The following CNTNAP2 variants were observed in gnomAD, a reference collection of about 807,000 sequenced individuals.
The protein encoded by CNTNAP2 is contactin-associated protein-like 2.
CNTNAP2 carries 98 observed loss-of-function variants against 155.2 expected under a neutral mutation model. The ratio of observed to expected loss-of-function variants is 0.63; its 90% CI spans 0.54 to 0.75. The LOEUF (loss-of-function observed/expected upper bound fraction) is 0.75. Among genes scored for constraint, CNTNAP2 ranks in the 30% least tolerant of loss-of-function variants. The pLI is 0.00. For synonymous variants in CNTNAP2, 651 were observed against 631.2 expected (o/e 1.03, Z -0.47); for missense variants, 1,727 against 1,688.1 (o/e 1.02, Z -0.40).
Position 148,311,346 on chromosome 7 carries a change from G to A in CNTNAP2, c.3475+44220G>A, listed in dbSNP as rs190902777. Among the ~76,000 whole-genome samples the A allele has an allele frequency of 1.6e-4, 25 of 152,294 alleles. No individual in the cohort carries two copies. The East Asian group carries it at 3.5e-3, about 21-fold the overall frequency. ...TGGAAGAAAGGGAAATGCAAAGCCAGTGGTTGTTTGCTAAGGAGGGATTAG... is the reference window on the plus strand; with the variant it reads ...TGGAAGAAAGGGAAATGCAAAGCCAATGGTTGTTTGCTAAGGAGGGATTAG... On this transcript the variant is annotated intron_variant, in intron 21 of 23. Transcript: ENST00000361727.
At chr7:146,331,258 C>T (rs1251458857) in intron 1 of CNTNAP2, among the ~76,000 whole-genome samples, 3 of 148,784 alleles carry the variant, frequency 2.0e-5, no homozygotes, top group South Asian at 4.2e-4. Flanking sequence ...GAGCCGAGAT[C>T]GCGCCACTGC....
At chr7:147,732,300 T>G (rs929571804) in intron 13 of CNTNAP2, among the ~76,000 whole-genome samples, 2 of 151,870 alleles carry the variant, frequency 1.3e-5, no homozygotes, top group African/African-American at 2.4e-5. Flanking sequence ...TGGTTTTCTG[T>G]CATTGCGATA....
chr7:147,909,887 G>A (rs1800029976), intron 14 of CNTNAP2, among the ~76,000 whole-genome samples: 1 of 151,486 alleles, frequency 6.6e-6, no homozygotes, highest in African/African-American at 2.4e-5. Flanking sequence ...CGTTAGCACA[G>A]TCTTTGTGTT....
intron 13 of CNTNAP2, among the ~76,000 whole-genome samples, chr7:147,903,008 A>G (rs1563129686): frequency 7.0e-6 from 1 of 141,960 alleles, no homozygotes. Flanking sequence ...GGACTGCTGG[A>G]TCAAGTGGTA....
At chr7:148,278,332 C>G (rs1055931705) in intron 21 of CNTNAP2, among the ~76,000 whole-genome samples, 1 of 151,854 alleles carries the variant, frequency 6.6e-6, no homozygotes, top group African/African-American at 2.4e-5. Context: ...TTTGGAAAGC[C>G]GAGGCAGGCA....
At chr7:147,262,805 G>A (rs201496633) in intron 8 of CNTNAP2, among the ~76,000 whole-genome samples, 1 of 152,212 alleles carries the variant, frequency 6.6e-6, no homozygotes, top group Non-Finnish European at 1.5e-5. Flanking sequence ...GCGAGACTCC[G>A]TCTCAAAAAA....
chr7:148,047,150 T>G (rs1802789525), intron 15 of CNTNAP2, among the ~76,000 whole-genome samples: 1 of 152,180 alleles, frequency 6.6e-6, no homozygotes. Flanking sequence ...TACTTGCCAT[T>G]GGTCATTAAT....
At chr7:148,102,471 C>T (rs185474533) in intron 15 of CNTNAP2, among the ~76,000 whole-genome samples, 18 of 152,290 alleles carry the variant, frequency 1.2e-4, no homozygotes, top group Middle Eastern at 3.4e-3. Flanking sequence ...AAGATTTCTA[C>T]GCCTTTGGAT....
At chr7:147,329,164 G>A (rs765941804) in intron 9 of CNTNAP2, among the ~76,000 whole-genome samples, 9 of 151,652 alleles carry the variant, frequency 5.9e-5, no homozygotes, top group Non-Finnish European at 7.4e-5. Context: ...ACACACCCAC[G>A]CATATACACA....
At chr7:146,259,871 A>C (rs1483331043) in intron 1 of CNTNAP2, among the ~76,000 whole-genome samples, 3 of 152,240 alleles carry the variant, frequency 2.0e-5, no homozygotes, top group Admixed American at 6.5e-5. Context: ...CTGAATGTTA[A>C]TAGCCAAGAG....
At chr7:147,966,321 A>G (rs1435637116) in intron 14 of CNTNAP2, among the ~76,000 whole-genome samples, 1 of 152,172 alleles carries the variant, frequency 6.6e-6, no homozygotes, top group Non-Finnish European at 1.5e-5. Flanking sequence ...ATGCATCAGA[A>G]CTAATGCTCT....
chr7:147,352,068 T>A (rs1795976211), intron 9 of CNTNAP2, among the ~76,000 whole-genome samples: 1 of 151,978 alleles, frequency 6.6e-6, no homozygotes, highest in African/African-American at 2.4e-5. Context: ...TCAGCTAAGG[T>A]CATCTGTTCT....
intron 2 of CNTNAP2, among the ~76,000 whole-genome samples, chr7:146,796,865 G>A (rs576123911): frequency 4.6e-5 from 7 of 152,172 alleles, no homozygotes; most frequent in East Asian, 1.9e-4. Context: ...GGCCGGGCGC[G>A]GTGGCTCACA....
intron 11 of CNTNAP2, among the ~76,000 whole-genome samples, chr7:147,548,998 G>A (rs1354559813): frequency 6.6e-6 from 1 of 152,074 alleles, no homozygotes; most frequent in East Asian, 1.9e-4. Flanking sequence ...TGCTCTTTTG[G>A]TTACTGTAGC....
intron 1 of CNTNAP2, among the ~76,000 whole-genome samples, chr7:146,643,746 TTGGGCAGTA>T (rs1398633614): frequency 1.1e-4 from 16 of 152,162 alleles, no homozygotes; most frequent in African/African-American, 3.9e-4. Flanking sequence ...ATAAATTACC[TTGGGCAGTA>T]TGGCCATTTT....
At position 146,483,312 on chromosome 7, in the gene CNTNAP2, T is replaced by C. The variant is rs866359419; in HGVS notation, c.98-290959T>C. 1.8e-3 allele frequency among the ~76,000 whole-genome samples: 164 copies of C among 93,612 alleles called. 7 individuals carry two copies. Among genetic ancestry groups the C allele is most frequent in the African/African-American group, 7.0e-3 (149 of 21,178 alleles). 61.4% of individuals were successfully genotyped at this position (93,612 alleles called of 152,430 possible). ...ATATATATATATATATATATATATA[T>C]ATATATATATATATATACATATATA... On this transcript the variant is annotated intron_variant, in intron 1 of 23. Coordinates refer to ENST00000361727, the MANE Select transcript of CNTNAP2 (RefSeq NM_014141.6).
At chr7:148,337,117 A>G (rs1798129911) in intron 21 of CNTNAP2, among the ~76,000 whole-genome samples, 1 of 152,186 alleles carries the variant, frequency 6.6e-6, no homozygotes. Flanking sequence ...GCAAGGTGCT[A>G]GTGATATCAA....
intron 13 of CNTNAP2, among the ~76,000 whole-genome samples, chr7:147,749,008 G>T (rs1375531956): frequency 1.3e-5 from 2 of 152,204 alleles, no homozygotes; most frequent in Non-Finnish European, 2.9e-5. Flanking sequence ...TAGGTTCTGA[G>T]ATCTCTGTCA....
intron 8 of CNTNAP2, among the ~76,000 whole-genome samples, chr7:147,191,146 G>A (rs1802673463): frequency 1.3e-5 from 2 of 152,032 alleles, no homozygotes; most frequent in African/African-American, 4.8e-5. Flanking sequence ...GAGTTGAAGG[G>A]TCCAGTATAT....
Sources: allele counts gnomAD v4.1 joint callset (sites outside exome capture counted in the v4.1 genomes callset), GRCh38; gene constraint gnomAD v4.1.1; transcripts MANE v1.5; gene names NCBI Gene and HGNC (gene_info 2026-07-23, HGNC 2026-07-21).